Variants in KCNC2 observed in about 807,000 individuals in gnomAD.
KCNC2 encodes the protein potassium voltage-gated channel subfamily C member 2.
In KCNC2, 21 loss-of-function variants were observed where a neutral mutation model predicts 44.5. The ratio of observed to expected loss-of-function variants is 0.47; its 90% confidence interval spans 0.33 to 0.68. The LOEUF (loss-of-function observed/expected upper bound fraction) is 0.68. KCNC2 is among the 30% of genes least tolerant of loss of function. The pLI is 0.01. For synonymous variants in KCNC2, 391 were observed against 339.1 expected (o/e 1.15, Z -1.68); for missense variants, 589 against 826.2 (o/e 0.71, Z 3.52).
At chr12:75,162,029 G>C (rs1044049111) in intron 2 of KCNC2, among the ~76,000 whole-genome samples, 25 of 151,468 alleles carry the variant, frequency 1.7e-4, no homozygotes, top group African/African-American at 6.1e-4. Context: ...GACCCACCAA[G>C]AGCCAAGTGT....
At chr12:75,094,450 G>T (rs1343843582) in intron 2 of KCNC2, among the ~76,000 whole-genome samples, 2 of 151,716 alleles carry the variant, frequency 1.3e-5, no homozygotes, top group East Asian at 3.9e-4. Flanking sequence ...TTATACACAA[G>T]TACATCCATT....
intron 2 of KCNC2, among the ~76,000 whole-genome samples, chr12:75,105,979 A>T (rs543805399): frequency 6.6e-6 from 1 of 152,130 alleles, no homozygotes; most frequent in Admixed American, 6.6e-5. Flanking sequence ...CAAAGTAACA[A>T]GAGTTTTAAG....
intron 2 of KCNC2, among the ~76,000 whole-genome samples, chr12:75,058,190 T>A (rs868631521): frequency 1.1e-4 from 16 of 151,994 alleles, no homozygotes; most frequent in African/African-American, 3.4e-4. Context: ...ATGTTTTTTA[T>A]AATTGTTTCA....
rs552213310 is a variant in KCNC2 at position 75,053,927 on chromosome 12, A to G, written c.688-2610T>C. Among the ~76,000 whole-genome samples, 4 of 151,820 alleles carry G rather than the reference A, an allele frequency of 2.6e-5. No homozygotes were observed. The South Asian group carries it at 6.2e-4, about 24-fold the overall frequency. On this transcript the variant is annotated intron_variant, in intron 2 of 4. Coordinates refer to ENST00000549446, the MANE Select transcript of KCNC2 (RefSeq NM_139137.4). ...AGAGGTAGATGATTATTTTGCTTTA[A>G]GAACAACCAGAGAGGCCAGGCGCGG...
chr12:75,104,079 G>A (rs1886586665), intron 2 of KCNC2, among the ~76,000 whole-genome samples: 1 of 151,498 alleles, frequency 6.6e-6, no homozygotes, highest in Non-Finnish European at 1.5e-5. Flanking sequence ...AATGTCAGGA[G>A]ACATGATGAG....
chr12:75,193,646 GGAGAAA>G (rs1250490205), intron 2 of KCNC2, among the ~76,000 whole-genome samples: 3 of 151,992 alleles, frequency 2.0e-5, no homozygotes, highest in Non-Finnish European at 2.9e-5. Flanking sequence ...CAAAGTGCAT[GGAGAAA>G]AAGAAAAAGG....
At chr12:75,131,940 A>G (rs1888877016) in intron 2 of KCNC2, among the ~76,000 whole-genome samples, 1 of 152,152 alleles carries the variant, frequency 6.6e-6, no homozygotes, top group African/African-American at 2.4e-5. Context: ...GAGATAATAA[A>G]TGGATGTTAT....
chr12:75,053,327 A>G (rs767261535), intron 2 of KCNC2, among the ~76,000 whole-genome samples: 43 of 152,032 alleles, frequency 2.8e-4, no homozygotes, highest in Non-Finnish European at 3.7e-4. Flanking sequence ...GCATTTACAG[A>G]CTCAGAAGAA....
At chr12:75,119,651 A>T (rs1887915359) in intron 2 of KCNC2, among the ~76,000 whole-genome samples, 1 of 152,156 alleles carries the variant, frequency 6.6e-6, no homozygotes, top group Admixed American at 6.5e-5. Flanking sequence ...AGAGAGCTGC[A>T]TAGGTCCAGG....
At chr12:75,144,219 C>T (rs1183979743) in intron 2 of KCNC2, among the ~76,000 whole-genome samples, 1 of 152,142 alleles carries the variant, frequency 6.6e-6, no homozygotes, top group Admixed American at 6.6e-5. Context: ...ATGTCATAAG[C>T]ATCCTCAGGG....
intron 2 of KCNC2, among the ~76,000 whole-genome samples, chr12:75,179,380 T>C (rs1226718736): frequency 1.3e-5 from 2 of 151,952 alleles, no homozygotes; most frequent in Non-Finnish European, 2.9e-5. Flanking sequence ...GTGAGTTTGA[T>C]AGATACTGAA....
chr12:75,052,409 T>C (rs1213075555), intron 2 of KCNC2, among the ~76,000 whole-genome samples: 28 of 152,144 alleles, frequency 1.8e-4, no homozygotes, highest in Non-Finnish European at 1.2e-4. Flanking sequence ...CACATACTTC[T>C]TAATATTAAA....
At chr12:75,203,322 C>T (rs551983423) in intron 2 of KCNC2, among the ~76,000 whole-genome samples, 49 of 151,818 alleles carry the variant, frequency 3.2e-4, no homozygotes, top group Admixed American at 1.3e-3. Context: ...GAGTCTAATG[C>T]TAGAAATTAA....
chr12:75,042,714 C>T lies in KCNC2; in HGVS notation c.*391G>A. On this transcript the variant is annotated 3_prime_UTR_variant, in exon 5 of 5. Coordinates refer to ENST00000549446, the MANE Select transcript of KCNC2 (RefSeq NM_139137.4). ...TGTGCAATCAAGATAGGATCCCAGA[C>T]ATCTTCAGAATGGTTTACAGTCACA... 8.6e-7 allele frequency: 1 copy of T among 1,167,968 alleles called. No homozygotes were observed. The allele number at this position is 1,167,968 out of a possible 1,614,324, so 72.4% of individuals were successfully genotyped here. A position where few individuals can be genotyped will look rare whatever the true frequency, so the allele number is the denominator to read the frequency against.
chr12:75,154,674 G>C (rs1890635619), intron 2 of KCNC2, among the ~76,000 whole-genome samples: 1 of 152,016 alleles, frequency 6.6e-6, no homozygotes, highest in African/African-American at 2.4e-5. Context: ...GAAGTGTTTT[G>C]AGTCATGAAA....
intron 2 of KCNC2, among the ~76,000 whole-genome samples, chr12:75,191,224 T>C (rs1402236954): frequency 6.6e-6 from 1 of 151,824 alleles, no homozygotes; most frequent in African/African-American, 2.4e-5. Context: ...GGTACTATGT[T>C]CTTGCCTGTG....
At position 75,042,274 on chromosome 12, in the gene KCNC2, A is replaced by G. The variant is rs1592743359; in HGVS notation, c.*831T>C. 2 of 1,608,852 alleles carry G rather than the reference A, an allele frequency of 1.2e-6. No homozygotes were observed. The highest frequency in any genetic ancestry group is 1.3e-5 in the African/African-American group (1 of 74,456). ...GCTAAACAATGCAAGCCTGGCTGGC[A>G]GTTACCTTTCTCTCATGTTTTGTGC... is the stretch of plus-strand genomic sequence containing the variant. On this transcript the variant is annotated 3_prime_UTR_variant, in exon 5 of 5. Coordinates refer to ENST00000549446, the MANE Select transcript of KCNC2 (RefSeq NM_139137.4).
At chr12:75,144,275 T>C (rs2137422873) in intron 2 of KCNC2, among the ~76,000 whole-genome samples, 1 of 152,350 alleles carries the variant, frequency 6.6e-6, no homozygotes, top group Non-Finnish European at 1.5e-5. Flanking sequence ...ATGGGTATAT[T>C]CCTTACATAT....
chr12:75,095,054 A>G (rs1271025500), intron 2 of KCNC2, among the ~76,000 whole-genome samples: 1 of 151,904 alleles, frequency 6.6e-6, no homozygotes, highest in East Asian at 1.9e-4. Context: ...AGAAAGGACC[A>G]CACATTGTCA....
Sources: gnomAD v4.1 joint callset for allele counts (sites outside exome capture counted in the v4.1 genomes callset) on GRCh38, gnomAD v4.1.1 for gene constraint, MANE v1.5 for transcripts, NCBI Gene and HGNC (gene_info 2026-07-23, HGNC 2026-07-21) for gene names.